Variants in METTL6 observed in about 807,000 individuals in gnomAD.
METTL6 encodes methyltransferase 6, tRNA N3-cytidine.
A neutral mutation model predicts 26.4 loss-of-function variants in METTL6; 22 were observed. The observed-to-expected ratio is 0.83, with a 90% confidence interval of 0.59 to 1.19. METTL6 has a LOEUF of 1.19. Among genes scored for constraint, METTL6 ranks in the 50% most tolerant of loss-of-function variants. METTL6 has a pLI of 0.00. For synonymous variants in METTL6, 109 were observed against 116.2 expected, an observed-to-expected ratio of 0.94 and a Z score of 0.40; for missense variants, 304 against 324.8, an observed-to-expected ratio of 0.94 and a Z score of 0.49.
At chr3:15,420,362 G>A (rs1031418376) in intron 3 of METTL6, among the ~76,000 whole-genome samples, 1 of 152,052 alleles carries the variant, frequency 6.6e-6, no homozygotes, top group Non-Finnish European at 1.5e-5. Context: ...TTAAAACATC[G>A]AGACTTTCTA....
chr3:15,397,379 C>T (rs895148174), intron 6 of METTL6, among the ~76,000 whole-genome samples: 5 of 152,210 alleles, frequency 3.3e-5, no homozygotes, highest in South Asian at 4.2e-4. Context: ...AGGTGTCGTC[C>T]GTCACCCCTT....
chr3:15,423,616 T>G (rs1411895338), intron 3 of METTL6, among the ~76,000 whole-genome samples: 1 of 152,124 alleles, frequency 6.6e-6, no homozygotes, highest in Non-Finnish European at 1.5e-5. Context: ...CTCACGCCTG[T>G]AATCTCAGCA....
chr3:15,406,063 T>C (rs971772261), downstream of METTL6, among the ~76,000 whole-genome samples: 1 of 151,974 alleles, frequency 6.6e-6, no homozygotes, highest in African/African-American at 2.4e-5. Flanking sequence ...TGTATTAATA[T>C]ATGTGAAAAG....
downstream of METTL6, among the ~76,000 whole-genome samples, chr3:15,406,005 G>T (rs1699772410): frequency 6.6e-6 from 1 of 151,584 alleles, no homozygotes; most frequent in African/African-American, 2.4e-5. Flanking sequence ...ATGTGTGTGT[G>T]TATGTGTATA....
At chr3:15,411,875 G>A (rs764474153) in intron 5 of METTL6, among the ~76,000 whole-genome samples, 4 of 151,858 alleles carry the variant, frequency 2.6e-5, no homozygotes, top group African/African-American at 7.3e-5. Context: ...TGATTCTCCT[G>A]CCTCAGCCTC....
intron 6 of METTL6, among the ~76,000 whole-genome samples, chr3:15,404,216 C>T (rs1009417602): frequency 3.3e-5 from 5 of 152,200 alleles, no homozygotes; most frequent in Non-Finnish European, 5.9e-5. Context: ...CCCTTCACCC[C>T]TACCCTGCAC....
intron 6 of METTL6, among the ~76,000 whole-genome samples, chr3:15,401,971 C>T (rs775598481): frequency 1.8e-4 from 28 of 152,310 alleles, no homozygotes; most frequent in Non-Finnish European, 3.5e-4. Flanking sequence ...AATAAACTTG[C>T]TTTCACTTTA....
At chr3:15,406,513 A>G (rs143065230), downstream of METTL6, among the ~76,000 whole-genome samples, 22 of 149,996 alleles carry the variant, frequency 1.5e-4, 1 homozygote, top group East Asian at 4.1e-3. Flanking sequence ...TACAATCAAC[A>G]TATCTTAAAG....
At chr3:15,390,830 G>A (rs749400690) in intron 6 of METTL6, among the ~76,000 whole-genome samples, 1 of 149,142 alleles carries the variant, frequency 6.7e-6, no homozygotes, top group Non-Finnish European at 1.5e-5. Context: ...CGAACAGATT[G>A]AAGGGTAGTG....
intron 3 of METTL6, among the ~76,000 whole-genome samples, chr3:15,420,995 T>C (rs745426081): frequency 1.3e-5 from 2 of 152,180 alleles, no homozygotes; most frequent in African/African-American, 4.8e-5. Flanking sequence ...CCTCTGGGAG[T>C]GACCTTTGTT....
intron 6 of METTL6, among the ~76,000 whole-genome samples, chr3:15,387,816 AT>A (rs35113760): frequency 0.01 from 1,474 of 146,376 alleles, 27 homozygotes; most frequent in African/African-American, 0.032. Context: ...TGAAAAAAAG[AT>A]TTTTTTTTTT....
chr3:15,415,994 C>T, intron 3 of METTL6, 52 bp from the exon 4 acceptor site: 3 of 1,504,754 alleles, frequency 2.0e-6, no homozygotes, highest in African/African-American at 1.4e-5. Context: ...TAGGCTGATA[C>T]ATATAGAAAA....
intron 4 of METTL6, 102 bp downstream of exon 4, chr3:15,415,670 G>A (rs777560725): frequency 1.3e-6 from 2 of 1,598,066 alleles, no homozygotes; most frequent in African/African-American, 1.3e-5. Context: ...AGTGAGAATG[G>A]AGAGACTATG....
chr3:15,393,617 G>C (rs1441822041), intron 6 of METTL6, among the ~76,000 whole-genome samples: 1 of 152,190 alleles, frequency 6.6e-6, no homozygotes, highest in Non-Finnish European at 1.5e-5. Flanking sequence ...CATTCAGTAT[G>C]ATATTGGCTG....
At chr3:15,409,115 T>G (rs1699879092), downstream of METTL6, among the ~76,000 whole-genome samples, 1 of 152,152 alleles carries the variant, frequency 6.6e-6, no homozygotes, top group African/African-American at 2.4e-5. Context: ...GATGGCAGAA[T>G]CACAACACCC....
At chr3:15,394,286 G>C (rs1369272322) in intron 6 of METTL6, among the ~76,000 whole-genome samples, 5 of 152,208 alleles carry the variant, frequency 3.3e-5, no homozygotes, top group Non-Finnish European at 5.9e-5. Context: ...TATTTGCATA[G>C]AGGTGTTTAT....
At chr3:15,401,536 C>CAAAAAAAAAAAAAAAAAA (rs35578326) in intron 6 of METTL6, among the ~76,000 whole-genome samples, 14 of 71,844 alleles carry the variant, frequency 1.9e-4, no homozygotes, top group South Asian at 5.1e-4. Flanking sequence ...ATGTTCACGC[C>CAAAAAAAAAAAAAAAAAA]AAAAAAAAAA....
chr3:15,406,423 G>A (rs574207687), downstream of METTL6, among the ~76,000 whole-genome samples: 265 of 151,582 alleles, frequency 1.7e-3, 2 homozygotes, highest in Non-Finnish European at 1.3e-3. Flanking sequence ...CCTTTAATAT[G>A]CTTGTGAACC....
At chr3:15,394,355 A>AT (rs1175740230) in intron 6 of METTL6, among the ~76,000 whole-genome samples, 2 of 152,074 alleles carry the variant, frequency 1.3e-5, no homozygotes, top group Non-Finnish European at 2.9e-5. Context: ...CCCCTTTATC[A>AT]TTTTTTATTG....
Sources: allele counts gnomAD v4.1 joint callset (sites outside exome capture counted in the v4.1 genomes callset), GRCh38; gene constraint gnomAD v4.1.1; transcripts MANE v1.5; gene names NCBI Gene and HGNC (gene_info 2026-07-23, HGNC 2026-07-21).